RBMS3: variants seen among roughly 807,000 people sequenced by gnomAD.
RBMS3 encodes the protein RNA binding motif single stranded interacting protein 3.
RBMS3 carries 27 observed loss-of-function variants against 66.8 expected under a neutral mutation model. That is an observed-to-expected ratio of 0.40 (90% CI 0.30 to 0.56). RBMS3 has a LOEUF of 0.56. Among genes scored for constraint, RBMS3 ranks in the 20% least tolerant of loss-of-function variants. RBMS3 has a pLI of 0.40. For missense variants in RBMS3, 513 were observed against 549.5 expected, an observed-to-expected ratio of 0.93 and a Z score of 0.66; for synonymous variants, 188 against 183.0, an observed-to-expected ratio of 1.03 and a Z score of -0.22.
Position 29,701,898 on chromosome 3 carries a change from C to G in RBMS3, c.400-37822C>G, listed in dbSNP as rs187603265. Among the ~76,000 whole-genome samples the G allele has an allele frequency of 3.9e-5, 6 of 152,248 alleles. No individual in the cohort carries two copies. The South Asian group carries it at 1.2e-3, about 32-fold the overall frequency. On this transcript the variant is annotated intron_variant, in intron 4 of 14. Transcript: ENST00000383767. ...GCTCCACGGCGCCGCCCGGTCCCAT[C>G]GACCGCCCAAAGGCTGAGGAGTGCA...
intron 12 of RBMS3, among the ~76,000 whole-genome samples, chr3:29,965,360 C>G (rs765717173): frequency 6.6e-6 from 1 of 152,062 alleles, no homozygotes; most frequent in Non-Finnish European, 1.5e-5. Flanking sequence ...GAAGTGTTCC[C>G]TGATTACTGC....
chr3:29,944,804 T>C (rs112581603), intron 12 of RBMS3, among the ~76,000 whole-genome samples: 15 of 151,748 alleles, frequency 9.9e-5, no homozygotes, highest in African/African-American at 3.1e-4. Context: ...CTTTTGGATA[T>C]TGAAAGAAAA....
At chr3:29,730,293 G>C (rs2054074978) in intron 4 of RBMS3, among the ~76,000 whole-genome samples, 1 of 128,146 alleles carries the variant, frequency 7.8e-6, no homozygotes, top group African/African-American at 2.9e-5. Flanking sequence ...GTCATCATTT[G>C]TGCTGTGTTC....
chr3:29,592,588 C>A (rs1326015617), intron 4 of RBMS3, among the ~76,000 whole-genome samples: 2 of 152,228 alleles, frequency 1.3e-5, no homozygotes, highest in South Asian at 2.1e-4. Flanking sequence ...ACCATTGTGG[C>A]AGACAGTGTG....
intron 1 of RBMS3, among the ~76,000 whole-genome samples, chr3:29,289,610 G>A (rs2032654601): frequency 6.6e-6 from 1 of 151,766 alleles, no homozygotes; most frequent in African/African-American, 2.4e-5. Context: ...AAAATAAAAA[G>A]TAAATGGAAC....
intron 1 of RBMS3, among the ~76,000 whole-genome samples, chr3:29,343,132 G>A (rs1009307142): frequency 1.3e-5 from 2 of 152,074 alleles, no homozygotes; most frequent in Admixed American, 6.6e-5. Context: ...TTGATCTAAT[G>A]TAGTAGTATA....
chr3:29,486,118 C>T (rs969862487), intron 2 of RBMS3, among the ~76,000 whole-genome samples: 3 of 151,978 alleles, frequency 2.0e-5, no homozygotes, highest in Non-Finnish European at 4.4e-5. Context: ...ATGGTGGTTA[C>T]GTCTTTAAAA....
At position 29,557,774 on chromosome 3, in the gene RBMS3, T is replaced by C. The variant is rs1481574924; in HGVS notation, c.308-29340T>C. Among the ~76,000 whole-genome samples the C allele has an allele frequency of 3.9e-5, 6 of 152,242 alleles. No homozygotes were observed. The East Asian group carries it at 1.2e-3, about 29-fold the overall frequency. On this transcript the variant is annotated intron_variant, in intron 3 of 14. Coordinates refer to ENST00000383767, the MANE Select transcript of RBMS3 (RefSeq NM_001003793.3). ...TAATTTTCTCCTAATTTTGGATAAA[T>C]GGTAAACAAACAAACAAAAAACATA...
At chr3:29,636,423 C>T (rs976823391) in intron 4 of RBMS3, among the ~76,000 whole-genome samples, 1 of 151,898 alleles carries the variant, frequency 6.6e-6, no homozygotes, top group Non-Finnish European at 1.5e-5. Flanking sequence ...ATCAAACACA[C>T]TACAGCCAAT....
At chr3:29,584,802 A>G (rs1166800093) in intron 3 of RBMS3, among the ~76,000 whole-genome samples, 4 of 152,116 alleles carry the variant, frequency 2.6e-5, no homozygotes, top group African/African-American at 9.7e-5. Context: ...TTTCATTGCC[A>G]GCTGCCTTTC....
At chr3:29,634,364 T>G (rs1180252856) in intron 4 of RBMS3, among the ~76,000 whole-genome samples, 1 of 151,862 alleles carries the variant, frequency 6.6e-6, no homozygotes, top group Non-Finnish European at 1.5e-5. Context: ...CCCCAACAAT[T>G]TAGTAACTTT....
chr3:29,994,257 C>T (rs532376995), intron 14 of RBMS3, among the ~76,000 whole-genome samples: 48 of 152,298 alleles, frequency 3.2e-4, no homozygotes, highest in Middle Eastern at 3.4e-3. Context: ...GATTATATCC[C>T]GCACCTGGCT....
intron 10 of RBMS3, among the ~76,000 whole-genome samples, chr3:29,922,856 G>C (rs1420993784): frequency 6.6e-6 from 1 of 152,156 alleles, no homozygotes; most frequent in Non-Finnish European, 1.5e-5. Flanking sequence ...TATAGTTATA[G>C]TCTTTTCACA....
At chr3:29,722,474 T>C (rs2053682263) in intron 4 of RBMS3, among the ~76,000 whole-genome samples, 1 of 152,158 alleles carries the variant, frequency 6.6e-6, no homozygotes, top group Non-Finnish European at 1.5e-5. Context: ...TTAACACTGG[T>C]ACAATAGAAA....
intron 6 of RBMS3, among the ~76,000 whole-genome samples, chr3:29,819,796 A>C (rs1458277140): frequency 6.6e-6 from 1 of 152,200 alleles, no homozygotes; most frequent in African/African-American, 2.4e-5. Context: ...GACATTTTCT[A>C]GTATATGAAA....
chr3:29,971,676 C>G (rs1697234938), intron 12 of RBMS3, among the ~76,000 whole-genome samples: 1 of 152,090 alleles, frequency 6.6e-6, no homozygotes, highest in Admixed American at 6.6e-5. Context: ...TATATATTAA[C>G]TACCAACCAT....
intron 3 of RBMS3, among the ~76,000 whole-genome samples, chr3:29,571,527 G>C (rs1197783474): frequency 6.6e-6 from 1 of 152,134 alleles, no homozygotes; most frequent in East Asian, 1.9e-4. Context: ...TTATTGAAGA[G>C]ATTGTCCATT....
At chr3:29,752,207 T>C (rs2055213550) in intron 5 of RBMS3, among the ~76,000 whole-genome samples, 2 of 152,196 alleles carry the variant, frequency 1.3e-5, no homozygotes, top group Admixed American at 6.5e-5. Flanking sequence ...GGGCCATCTG[T>C]GGCAGAACTC....
At chr3:29,390,375 T>C (rs762301751) in intron 1 of RBMS3, among the ~76,000 whole-genome samples, 55 of 152,220 alleles carry the variant, frequency 3.6e-4, no homozygotes, top group Admixed American at 1.3e-3. Flanking sequence ...AGATATTTTA[T>C]TATTTTAAAA....
Sources: gnomAD v4.1 joint callset for allele counts (sites outside exome capture counted in the v4.1 genomes callset) on GRCh38, gnomAD v4.1.1 for gene constraint, MANE v1.5 for transcripts, NCBI Gene and HGNC (gene_info 2026-07-23, HGNC 2026-07-21) for gene names.